Variants in SVIL observed in about 807,000 individuals in gnomAD.
SVIL encodes supervillin, also known as archvillin.
SVIL carries 101 observed loss-of-function variants against 240.4 expected under a neutral mutation model. The observed-to-expected ratio is 0.42, with a 90% CI of 0.36 to 0.50. The LOEUF (loss-of-function observed/expected upper bound fraction) is 0.50. Among genes scored for constraint, SVIL ranks in the 20% least tolerant of loss-of-function variants. The pLI is 0.01. For synonymous variants in SVIL, 999 were observed against 1,100.0 expected, an observed-to-expected ratio of 0.91 and a Z score of 1.82; for missense variants, 2,512 against 2,818.7, an observed-to-expected ratio of 0.89 and a Z score of 2.46.
At position 29,655,625 on chromosome 10, in the gene SVIL, A is replaced by C. The variant is rs369974206; in HGVS notation, c.-201+2344T>G. On this transcript the variant is annotated intron_variant, in intron 3 of 35. Coordinates refer to the SVIL transcript ENST00000375400. ...ACCCAGAAAAAATACTTTACCAGGC[A>C]TCTAAGCCTCCCTTAGTCCAATCAA... Among the ~76,000 whole-genome samples, 7 of 152,306 alleles carry C rather than the reference A, an allele frequency of 4.6e-5. No individual in the cohort carries two copies. The South Asian group carries it at 1.5e-3, about 32-fold the overall frequency.
At chr10:29,568,100 G>A (rs908467874) in intron 2 of SVIL, among the ~76,000 whole-genome samples, 1 of 151,652 alleles carries the variant, frequency 6.6e-6, no homozygotes, top group South Asian at 2.1e-4. Context: ...TGAGAAATAC[G>A]GATGCATCCC....
At chr10:29,670,944 ACTC>A (rs373827783) in intron 2 of SVIL, 30 of 152,060 alleles carry the variant, frequency 2.0e-4, no homozygotes, top group African/African-American at 6.8e-4. Flanking sequence ...GAGTCCAACA[ACTC>A]CTCTATTTTC....
At chr10:29,503,395 T>C (rs1410801656) in intron 17 of SVIL, among the ~76,000 whole-genome samples, 6 of 152,224 alleles carry the variant, frequency 3.9e-5, no homozygotes, top group Admixed American at 2.0e-4. Flanking sequence ...CCCTGAGGCA[T>C]GTGAGAAAGA....
rs200448573 is a variant in SVIL at position 29,643,962 on chromosome 10, C to A, written c.-201+14007G>T. Reference sequence around the variant, plus strand: ...ATGAGTCCTGGCTCCAGAGACCCAGCCTCTCACACGGCTGGAGCAACATCG... The same window carrying A: ...ATGAGTCCTGGCTCCAGAGACCCAGACTCTCACACGGCTGGAGCAACATCG... On this transcript the variant is annotated intron_variant, in intron 3 of 35. Coordinates refer to the SVIL transcript ENST00000375400. 1.8e-3 allele frequency: 912 copies of A among 517,798 alleles called. 1 individual carries two copies. Among genetic ancestry groups the A allele is most frequent in the Non-Finnish European group, 2.8e-3 (718 of 259,460 alleles). 32.1% of individuals were successfully genotyped at this position (517,798 alleles called of 1,614,324 possible). A position where few individuals can be genotyped will look rare whatever the true frequency, so the allele number is the denominator to read the frequency against.
At chr10:29,592,061 GCCAACAT>G (rs1160130344) in intron 1 of SVIL, among the ~76,000 whole-genome samples, 1 of 152,160 alleles carries the variant, frequency 6.6e-6, no homozygotes, top group Admixed American at 6.5e-5. Context: ...GACCAGCCTG[GCCAACAT>G]AGGAAAACCA....
intron 1 of SVIL, among the ~76,000 whole-genome samples, chr10:29,722,294 T>A (rs2132697202): frequency 6.7e-6 from 1 of 150,014 alleles, no homozygotes; most frequent in East Asian, 2.0e-4. Flanking sequence ...GTTTTTAAAA[T>A]GCAAAAATTT....
intron 17 of SVIL, among the ~76,000 whole-genome samples, chr10:29,512,515 A>G (rs1362514529): frequency 6.6e-6 from 1 of 152,218 alleles, no homozygotes; most frequent in Non-Finnish European, 1.5e-5. Context: ...GCTTGCTGAC[A>G]TAGTGTGTGT....
chr10:29,675,981 C>T (rs1388033980), intron 2 of SVIL, among the ~76,000 whole-genome samples: 1 of 152,188 alleles, frequency 6.6e-6, no homozygotes, highest in African/African-American at 2.4e-5. Context: ...AGAGCTGAAA[C>T]TTACCAGATT....
intron 1 of SVIL, among the ~76,000 whole-genome samples, chr10:29,615,096 G>A (rs1292910662): frequency 6.6e-6 from 1 of 151,952 alleles, no homozygotes; most frequent in Non-Finnish European, 1.5e-5. Flanking sequence ...TAGCTTCAGC[G>A]GCCACAGAGA....
At chr10:29,702,175 CAA>C (rs60338711) in intron 1 of SVIL, among the ~76,000 whole-genome samples, 81 of 61,642 alleles carry the variant, frequency 1.3e-3, no homozygotes, top group African/African-American at 5.3e-3. Context: ...ACTCCATCTC[CAA>C]AAAAAAAAAA....
At chr10:29,678,407 AT>A (rs1960367055) in intron 2 of SVIL, among the ~76,000 whole-genome samples, 1 of 152,080 alleles carries the variant, frequency 6.6e-6, no homozygotes, top group African/African-American at 2.4e-5. Context: ...ATGGAATCTA[AT>A]GCTACTGCTG....
intron 2 of SVIL, among the ~76,000 whole-genome samples, chr10:29,667,004 G>A (rs1959355351): frequency 6.6e-6 from 1 of 152,180 alleles, no homozygotes; most frequent in South Asian, 2.1e-4. Context: ...TCTGAAGGAG[G>A]TAGGAGCGCT....
At chr10:29,562,438 C>T (rs185673166) in intron 3 of SVIL, among the ~76,000 whole-genome samples, 3 of 152,310 alleles carry the variant, frequency 2.0e-5, no homozygotes, top group Admixed American at 6.5e-5. Context: ...GGCTGTTCGC[C>T]GCTCAGCAGG....
At position 29,484,416 on chromosome 10, in the gene SVIL, C is replaced by CA. The variant is rs1219491615; in HGVS notation, c.4955+239dup. On this transcript the variant is annotated intron_variant, in intron 27 of 37. Coordinates refer to ENST00000355867, the MANE Select transcript of SVIL (RefSeq NM_021738.3). This position sits in a 1 kb window ranked among gnomAD's most constrained non-coding sequence, Gnocchi z 4.7. ...GGAGGAACTTGCAGCATTTCTTGCT[C>CA]ACTTCAAGAAATCAACTATAACAAA... is the stretch of plus-strand genomic sequence containing the variant. Among the ~76,000 whole-genome samples the CA allele has an allele frequency of 6.6e-6, 1 of 152,224 alleles. No homozygotes were observed. Among genetic ancestry groups the CA allele is most frequent in the African/African-American group, 2.4e-5 (1 of 41,460 alleles).
At chr10:29,606,206 G>A (rs1047362606) in intron 1 of SVIL, among the ~76,000 whole-genome samples, 6 of 151,974 alleles carry the variant, frequency 3.9e-5, no homozygotes, top group Admixed American at 6.6e-5. Flanking sequence ...ACAGCTCCCG[G>A]CCTATTTTTA....
At chr10:29,561,522 T>C (rs1234975543) in intron 3 of SVIL, among the ~76,000 whole-genome samples, 1 of 152,238 alleles carries the variant, frequency 6.6e-6, no homozygotes, top group African/African-American at 2.4e-5. Flanking sequence ...GATTTGTTCA[T>C]TCTTATACTT....
At chr10:29,522,339 G>C (rs909288060) in intron 16 of SVIL, 71 bp downstream of exon 16, 1 of 1,440,428 alleles carries the variant, frequency 6.9e-7, no homozygotes, top group East Asian at 2.3e-5. Context: ...CCATCACCGA[G>C]ATTGTTTTCT....
intron 3 of SVIL, among the ~76,000 whole-genome samples, chr10:29,653,049 T>G (rs963040073): frequency 5.3e-5 from 8 of 151,598 alleles, no homozygotes; most frequent in Non-Finnish European, 8.8e-5. Flanking sequence ...CAAGCTGGTC[T>G]CAAACTCCTG....
intron 3 of SVIL, among the ~76,000 whole-genome samples, chr10:29,557,624 G>A (rs1304640098): frequency 6.6e-6 from 1 of 152,104 alleles, no homozygotes; most frequent in Non-Finnish European, 1.5e-5. Flanking sequence ...TTACAACAGT[G>A]CATGGAAAAG....
Sources: allele counts gnomAD v4.1 joint callset (sites outside exome capture counted in the v4.1 genomes callset), GRCh38; gene constraint gnomAD v4.1.1; non-coding constraint Gnocchi (gnomAD v3.1); transcripts MANE v1.5; gene names NCBI Gene and HGNC (gene_info 2026-07-23, HGNC 2026-07-21).